Variants in OTOGL observed in about 807,000 individuals in gnomAD.
The protein encoded by OTOGL is otogelin like, also known as otogelin-like protein.
In OTOGL, 285 loss-of-function variants were observed where a neutral mutation model predicts 318.5. That is an observed-to-expected ratio of 0.89 (90% confidence interval 0.81 to 0.99). The LOEUF is 0.99. Ranked by LOEUF, OTOGL falls within the 50% of genes least tolerant of loss-of-function variation. The pLI is 0.00. For synonymous variants in OTOGL, 987 were observed against 936.5 expected (o/e 1.05, Z -0.99); for missense variants, 2,899 against 2,845.6 (o/e 1.02, Z -0.43).
intron 23 of OTOGL, 114 bp downstream of exon 23, chr12:80,270,268 G>T: frequency 1.2e-6 from 1 of 819,780 alleles, no homozygotes; most frequent in Non-Finnish European, 1.9e-6. Flanking sequence ...TATAGCCTTG[G>T]GAATGTTCTT....
At chr12:80,136,435 C>A (rs1001967585) in intron 1 of OTOGL, among the ~76,000 whole-genome samples, 1 of 152,204 alleles carries the variant, frequency 6.6e-6, no homozygotes, top group Non-Finnish European at 1.5e-5. Context: ...TCCCTGCCAT[C>A]CCCTGGTCCT....
At chr12:80,243,942 C>T (rs1237075789) in intron 11 of OTOGL, among the ~76,000 whole-genome samples, 1 of 149,750 alleles carries the variant, frequency 6.7e-6, no homozygotes, top group Non-Finnish European at 1.5e-5. Context: ...TTTACATTTC[C>T]TTTAGTCTAA....
chr12:80,305,290 T>C (rs1381977136), intron 28 of OTOGL, among the ~76,000 whole-genome samples: 1 of 152,206 alleles, frequency 6.6e-6, no homozygotes, highest in Non-Finnish European at 1.5e-5. Flanking sequence ...TGAATTATAC[T>C]TTTCAAAGTT....
intron 2 of OTOGL, 61 bp from the exon 3 acceptor site, chr12:80,210,786 G>T: frequency 8.9e-7 from 1 of 1,126,588 alleles, no homozygotes; most frequent in Non-Finnish European, 1.2e-6. Context: ...TAAACAACTG[G>T]AACATGTAGC....
chr12:80,278,038 T>C lies in OTOGL; in HGVS notation c.2682-130T>C, dbSNP rs562201235. ...AGAAAGACTGGATTCATCTCCTCAG[T>C]AGGTTAGATAGAGTGCCTTAGACAG... On this transcript the variant is annotated intron_variant, in intron 24 of 58. Coordinates refer to ENST00000547103, the MANE Select transcript of OTOGL (RefSeq NM_001378609.3). The C allele has an allele frequency of 4.6e-6, 3 of 653,346 alleles. No homozygotes were observed. In the Admixed American group the frequency reaches 8.2e-5, roughly 18 times the overall value. 40.5% of individuals were successfully genotyped at this position (653,346 alleles called of 1,614,324 possible).
chr12:80,109,697 A>G (rs547043158), intron 1 of OTOGL, among the ~76,000 whole-genome samples: 12 of 152,332 alleles, frequency 7.9e-5, no homozygotes, highest in Non-Finnish European at 1.2e-4. Context: ...TCCAATATCA[A>G]AGGATGAGAG....
intron 7 of OTOGL, among the ~76,000 whole-genome samples, chr12:80,225,683 T>C (rs893007646): frequency 6.6e-6 from 1 of 152,136 alleles, no homozygotes; most frequent in Non-Finnish European, 1.5e-5. Flanking sequence ...ATTAATATTA[T>C]GTCTTCAACT....
chr12:80,144,056 T>C (rs1051577909), intron 1 of OTOGL, among the ~76,000 whole-genome samples: 1 of 151,994 alleles, frequency 6.6e-6, no homozygotes, highest in African/African-American at 2.4e-5. Flanking sequence ...TCTTTTTTTT[T>C]TTTTCTTTTA....
At position 80,270,173 on chromosome 12, in the gene OTOGL, T is replaced by C; in HGVS notation, c.2518+19T>C. 1 of 1,576,744 alleles carries C rather than the reference T, an allele frequency of 6.3e-7. No individual in the cohort carries two copies. The highest frequency in any genetic ancestry group is 8.7e-7 in the Non-Finnish European group (1 of 1,148,892). On this transcript the variant is annotated intron_variant, in intron 23 of 58. Transcript: ENST00000547103. ...TCTGCTGGTAAGATCTTAAAAGATGTTTTCCTGAATGAGGGTTCAGCTCTG... is the reference window on the plus strand; with the variant it reads ...TCTGCTGGTAAGATCTTAAAAGATGCTTTCCTGAATGAGGGTTCAGCTCTG...
intron 1 of OTOGL, among the ~76,000 whole-genome samples, chr12:80,142,295 C>A (rs1171397444): frequency 6.6e-6 from 1 of 152,118 alleles, no homozygotes; most frequent in Non-Finnish European, 1.5e-5. Context: ...ATTTCAAGCA[C>A]TCAGTGGCCA....
chr12:80,250,632 G>A (rs563613773), intron 11 of OTOGL, among the ~76,000 whole-genome samples: 23 of 151,770 alleles, frequency 1.5e-4, no homozygotes, highest in South Asian at 2.1e-4. Context: ...TCCTTTTTTC[G>A]TTCTAAAGTT....
intron 29 of OTOGL, among the ~76,000 whole-genome samples, 171 bp downstream of exon 29, chr12:80,305,866 A>G (rs972154512): frequency 2.0e-5 from 3 of 152,190 alleles, no homozygotes; most frequent in South Asian, 2.1e-4. Flanking sequence ...TGATTACCTT[A>G]TCATATAAAG....
At chr12:80,104,959 G>A (rs1214156625) in intron 1 of OTOGL, among the ~76,000 whole-genome samples, 1 of 152,072 alleles carries the variant, frequency 6.6e-6, no homozygotes, top group Non-Finnish European at 1.5e-5. Flanking sequence ...AGCCAGACGT[G>A]GTGGTGCATG....
intron 11 of OTOGL, among the ~76,000 whole-genome samples, chr12:80,250,030 C>A (rs926303874): frequency 2.0e-5 from 3 of 151,974 alleles, no homozygotes; most frequent in Non-Finnish European, 4.4e-5. Context: ...GGCTCGCGCA[C>A]GGTGCGCGCA....
chr12:80,343,525 T>TTTTTC (rs1470682151), intron 44 of OTOGL: 2 of 133,904 alleles, frequency 1.5e-5, no homozygotes, highest in Admixed American at 7.6e-5. Context: ...TTTTTTTTTT[T>TTTTTC]TTTTTTTTTT....
intron 11 of OTOGL, among the ~76,000 whole-genome samples, chr12:80,244,527 T>C (rs1229256989): frequency 1.3e-5 from 2 of 149,390 alleles, no homozygotes; most frequent in Non-Finnish European, 2.9e-5. Context: ...TGCATAGTAT[T>C]CCATGGTGTA....
At chr12:80,335,254 C>A (rs942109219) in intron 38 of OTOGL, among the ~76,000 whole-genome samples, 7 of 151,908 alleles carry the variant, frequency 4.6e-5, no homozygotes, top group African/African-American at 1.7e-4. Context: ...ATCTGTGGGA[C>A]CTTGGGCAAA....
intron 1 of OTOGL, among the ~76,000 whole-genome samples, chr12:80,199,763 C>T (rs1252362127): frequency 6.6e-6 from 1 of 152,122 alleles, no homozygotes; most frequent in Non-Finnish European, 1.5e-5. Context: ...TATTTGTGTG[C>T]AGCTGCATGC....
At chr12:80,138,380 C>T (rs939896973) in intron 1 of OTOGL, among the ~76,000 whole-genome samples, 4 of 152,102 alleles carry the variant, frequency 2.6e-5, no homozygotes, top group African/African-American at 9.7e-5. Context: ...ATGGAATAAT[C>T]TAAGCTGATT....
Sources: allele counts gnomAD v4.1 joint callset (sites outside exome capture counted in the v4.1 genomes callset), GRCh38; gene constraint gnomAD v4.1.1; transcripts MANE v1.5; gene names NCBI Gene and HGNC (gene_info 2026-07-23, HGNC 2026-07-21).